ABCA3: variants seen among roughly 807,000 people sequenced by gnomAD.
The protein encoded by ABCA3 is phospholipid-transporting ATPase ABCA3.
Under a neutral mutation model 172.8 loss-of-function variants are expected in ABCA3, and 88 were observed. The ratio of observed to expected loss-of-function variants is 0.51; its 90% CI spans 0.43 to 0.61. The LOEUF (loss-of-function observed/expected upper bound fraction) is 0.61. Ranked by LOEUF, ABCA3 falls within the 20% of genes least tolerant of loss-of-function variation. ABCA3 has a pLI of 0.00. For synonymous variants in ABCA3, 1,066 were observed against 983.8 expected (o/e 1.08, Z -1.56); for missense variants, 2,164 against 2,301.0 (o/e 0.94, Z 1.22).
At chr16:2,304,217 C>G in intron 11 of ABCA3, 67 bp from the exon 12 acceptor site, 2 of 1,564,104 alleles carry the variant, frequency 1.3e-6, no homozygotes, top group Non-Finnish European at 1.8e-6. Flanking sequence ...CCCGAAGCCC[C>G]TGATGGCACA....
At chr16:2,300,477 G>T (rs1032542850) in intron 12 of ABCA3, among the ~76,000 whole-genome samples, 1 of 152,182 alleles carries the variant, frequency 6.6e-6, no homozygotes, top group African/African-American at 2.4e-5. Flanking sequence ...CTCCAGTCCA[G>T]AGGGATGTTG....
At chr16:2,340,535 G>C (rs1384044358) in intron 1 of ABCA3, 38 bp downstream of exon 1, 1 of 149,636 alleles carries the variant, frequency 6.7e-6, no homozygotes, top group Non-Finnish European at 1.5e-5. Flanking sequence ...CAAGCCCCGG[G>C]AACGAGCGCG....
Position 2,279,092 on chromosome 16 carries a change from G to A in ABCA3, c.4398C>T (p.Ala1466=), listed in dbSNP as rs1270027283. The change falls in exon 29 of 33, where the codon GCC becomes GCT. Residue 1466 remains alanine (A), a synonymous_variant. Coordinates refer to ENST00000301732, the MANE Select transcript of ABCA3 (RefSeq NM_001089.3). This position sits in a 1 kb window ranked among gnomAD's most constrained non-coding sequence, Gnocchi z 4.4. ...QRIGYCPQFD[A]LLDHMTGREM... is the part of the protein sequence containing the mutation. ...CCCGGCCTGTCATGTGGTCCAGCAAGGCATCAAACTGCGGGCAGTAGCCGA... is the reference window on the plus strand; with the variant it reads ...CCCGGCCTGTCATGTGGTCCAGCAAAGCATCAAACTGCGGGCAGTAGCCGA... 1 of 1,612,666 alleles carries A rather than the reference G, an allele frequency of 6.2e-7. No individual in the cohort carries two copies. The highest frequency in any genetic ancestry group is 2.2e-5 in the East Asian group (1 of 44,884).
chr16:2,304,214 C>T, intron 11 of ABCA3, 64 bp from the exon 12 acceptor site: 1 of 1,571,726 alleles, frequency 6.4e-7, no homozygotes, highest in Non-Finnish European at 8.8e-7. Context: ...GGACCCGAAG[C>T]CCCTGATGGC....
At chr16:2,306,131 T>G (rs780301218) in intron 11 of ABCA3, among the ~76,000 whole-genome samples, 24 of 151,958 alleles carry the variant, frequency 1.6e-4, no homozygotes, top group Non-Finnish European at 3.4e-4. Context: ...ACAGGAGGAT[T>G]GCTTGAGGCC....
intron 14 of ABCA3, 115 bp downstream of exon 14, chr16:2,299,288 G>A (rs186313266): frequency 1.2e-5 from 17 of 1,451,202 alleles, no homozygotes; most frequent in South Asian, 4.6e-5. Context: ...ATCTCCTGCC[G>A]CTGTGGTTGG....
At position 2,278,294 on chromosome 16, in the gene ABCA3, G is replaced by A. The variant is rs2093649699; in HGVS notation, c.4712C>T (p.Ser1571Phe). The change falls in exon 30 of 33, where the codon TCC becomes TTC. Residue 1571 changes from serine (S) to phenylalanine (F), a missense_variant. Ser to Phe is a radical substitution (Grantham distance 155). Transcript: ENST00000301732. The surrounding 1 kb of genome is among the most constrained non-coding windows in gnomAD (Gnocchi z 4.4). ...RESGKAIIIT[S>F]HSMEECEALC... The stretch of plus-strand genomic sequence containing the variant: ...CCACAGACCCAGGCTCTACCTGTGG[G>A]AGGTGATGATGATGGCCTTGCCAGA... 2 of 1,608,138 alleles carry A rather than the reference G, an allele frequency of 1.2e-6. No homozygotes were observed. The highest frequency in any genetic ancestry group is 1.7e-6 in the Non-Finnish European group (2 of 1,179,998).
intron 6 of ABCA3, 151 bp downstream of exon 6, chr16:2,324,253 T>C (rs770012470): frequency 1.2e-4 from 142 of 1,206,444 alleles, no homozygotes; most frequent in Non-Finnish European, 1.6e-4. Flanking sequence ...GTGATGATAT[T>C]ATCAGACCCA....
At chr16:2,332,782 T>C (rs560807278) in intron 1 of ABCA3, 26 of 757,816 alleles carry the variant, frequency 3.4e-5, no homozygotes, top group East Asian at 1.4e-4. Flanking sequence ...GTGTGCACCA[T>C]AGGCTTGAAT....
chr16:2,296,255 A>G (rs2093679655), intron 17 of ABCA3, among the ~76,000 whole-genome samples: 1 of 150,346 alleles, frequency 6.7e-6, no homozygotes, highest in South Asian at 2.1e-4. Context: ...TTTTTGAGAC[A>G]AGTCTCACTC....
chr16:2,299,416 G>A lies in ABCA3; in HGVS notation c.1728C>T (p.Leu576=), dbSNP rs1168902383. 1.2e-6 allele frequency: 2 copies of A among 1,613,792 alleles called. No individual in the cohort carries two copies. The highest frequency in any genetic ancestry group is 1.7e-6 in the Non-Finnish European group (2 of 1,179,980). ...GHNGAGKTTT[L]SMLTGLFPPT... Reference sequence around the variant, plus strand: ...CCTGGCCCTCACCTGTGAGCATGGAGAGGGTGGTGGTCTTCCCGGCACCGT... The same window carrying A: ...CCTGGCCCTCACCTGTGAGCATGGAAAGGGTGGTGGTCTTCCCGGCACCGT... Residue 576 remains leucine (L), a synonymous_variant, in exon 14 of 33, where the codon CTC becomes CTT. Transcript: ENST00000301732.
intron 10 of ABCA3, among the ~76,000 whole-genome samples, chr16:2,310,473 A>C (rs1283736241): frequency 6.6e-6 from 1 of 151,674 alleles, no homozygotes; most frequent in Admixed American, 6.6e-5. Flanking sequence ...ACTTTCCACA[A>C]TTTACTGAGA....
rs1317870795 is a variant in ABCA3 at position 2,287,944 on chromosome 16, A to T, written c.3004+82T>A. On this transcript the variant is annotated intron_variant, in intron 21 of 32. Transcript: ENST00000301732. The surrounding 1 kb of genome is among the most constrained non-coding windows in gnomAD (Gnocchi z 4.1). Reference sequence around the variant, plus strand: ...CAAGAACCATCCTCCCCAGATGTCGACCCTGCTGCAGTCAGGAAGGCGAAC... The same window carrying T: ...CAAGAACCATCCTCCCCAGATGTCGTCCCTGCTGCAGTCAGGAAGGCGAAC... 17 of 1,544,126 alleles carry T rather than the reference A, an allele frequency of 1.1e-5. No homozygotes were observed. Among genetic ancestry groups the T allele is most frequent in the Non-Finnish European group, 1.4e-5 (16 of 1,136,990 alleles).
At chr16:2,318,296 C>T (rs1041312322) in intron 8 of ABCA3, among the ~76,000 whole-genome samples, 10 of 152,132 alleles carry the variant, frequency 6.6e-5, no homozygotes, top group South Asian at 2.1e-4. Context: ...GATGGGTCGG[C>T]TCTGACCACA....
chr16:2,309,140 G>C (rs1458034183), intron 10 of ABCA3, among the ~76,000 whole-genome samples: 1 of 152,096 alleles, frequency 6.6e-6, no homozygotes, highest in East Asian at 1.9e-4. Flanking sequence ...TAGAGATAGG[G>C]TTTCACCGTG....
rs2093663282 is a variant in ABCA3 at position 2,286,448 on chromosome 16, G to A, written c.3278+246C>T. ...GGTAGATTTAGGAGGAGAAGGCAGG[G>A]CTGCCTGCCGAGCCTTCATGGGTCC... On this transcript the variant is annotated intron_variant, in intron 22 of 32. Coordinates refer to ENST00000301732, the MANE Select transcript of ABCA3 (RefSeq NM_001089.3). The surrounding 1 kb of genome is among the most constrained non-coding windows in gnomAD (Gnocchi z 5.2). Among the ~76,000 whole-genome samples, 1 of 152,246 alleles carries A rather than the reference G, an allele frequency of 6.6e-6. No homozygotes were observed. The highest frequency in any genetic ancestry group is 6.5e-5 in the Admixed American group (1 of 15,292).
intron 3 of ABCA3, 46 bp from the exon 4 acceptor site, chr16:2,326,538 A>C: frequency 6.5e-7 from 1 of 1,548,556 alleles, no homozygotes; most frequent in Non-Finnish European, 8.8e-7. Flanking sequence ...CAATAGAAAC[A>C]CGCAGAGTGG....
chr16:2,335,593 G>A (rs1279269428), intron 1 of ABCA3, among the ~76,000 whole-genome samples: 1 of 152,138 alleles, frequency 6.6e-6, no homozygotes, highest in Non-Finnish European at 1.5e-5. Flanking sequence ...TTTAATACTT[G>A]GACAGACCCT....
Position 2,281,557 on chromosome 16 carries a change from G to A in ABCA3, c.4036-48C>T, listed in dbSNP as rs559307939. 3.1e-5 allele frequency: 50 copies of A among 1,605,616 alleles called. 1 individual carries two copies. Among genetic ancestry groups the A allele is most frequent in the Middle Eastern group, 1.7e-4 (1 of 5,860 alleles). ...GCATGCGTGAACCCAGCCGCAGGGC[G>A]GCTTCCGTGGAGAAGGGAGGGGCGG... On this transcript the variant is annotated intron_variant, in intron 26 of 32. Coordinates refer to ENST00000301732, the MANE Select transcript of ABCA3 (RefSeq NM_001089.3). This position sits in a 1 kb window ranked among gnomAD's most constrained non-coding sequence, Gnocchi z 4.7.
Sources: allele counts gnomAD v4.1 joint callset (sites outside exome capture counted in the v4.1 genomes callset), GRCh38; gene constraint gnomAD v4.1.1; non-coding constraint Gnocchi (gnomAD v3.1); transcripts MANE v1.5; gene names NCBI Gene and HGNC (gene_info 2026-07-23, HGNC 2026-07-21).